Variants in TAFA2 observed in about 807,000 individuals in gnomAD.
TAFA2 encodes the protein TAFA chemokine like family member 2.
TAFA2 carries 7 observed loss-of-function variants against 18.8 expected under a neutral mutation model. The observed-to-expected ratio is 0.37, with a 90% confidence interval of 0.21 to 0.70. The LOEUF (loss-of-function observed/expected upper bound fraction) is 0.70. TAFA2 is among the 30% of genes least tolerant of loss of function. TAFA2 has a pLI of 0.53. For missense variants in TAFA2, 122 were observed against 158.1 expected, an observed-to-expected ratio of 0.77 and a Z score of 1.23; for synonymous variants, 60 against 54.2, an observed-to-expected ratio of 1.11 and a Z score of -0.47.
At chr12:61,918,166 C>G (rs1555175722) in intron 1 of TAFA2, among the ~76,000 whole-genome samples, 1 of 152,084 alleles carries the variant, frequency 6.6e-6, no homozygotes, top group Non-Finnish European at 1.5e-5. Flanking sequence ...TTCAAACAAT[C>G]AAATCATACT....
intron 4 of TAFA2, among the ~76,000 whole-genome samples, chr12:61,737,472 A>T (rs190117611): frequency 4.0e-4 from 61 of 152,006 alleles, no homozygotes; most frequent in Non-Finnish European, 8.2e-4. Context: ...TTTTCAGAGA[A>T]TCAGATGGGT....
chr12:62,126,077 A>G (rs774923247), intron 1 of TAFA2, among the ~76,000 whole-genome samples: 4 of 152,114 alleles, frequency 2.6e-5, no homozygotes, highest in Non-Finnish European at 4.4e-5. Flanking sequence ...AGTGTGGTTT[A>G]ATGGATTATT....
intron 1 of TAFA2, among the ~76,000 whole-genome samples, chr12:61,951,718 A>T (rs755742573): frequency 6.6e-6 from 1 of 152,106 alleles, no homozygotes; most frequent in African/African-American, 2.4e-5. Context: ...TAAGGCATAC[A>T]CTACAAATTT....
At chr12:62,156,552 C>A (rs572926134) in intron 1 of TAFA2, among the ~76,000 whole-genome samples, 4 of 152,000 alleles carry the variant, frequency 2.6e-5, no homozygotes, top group African/African-American at 9.6e-5. Context: ...ACCCAAATGC[C>A]CATTAATCAA....
chr12:61,945,028 T>C (rs1042139523), intron 1 of TAFA2, among the ~76,000 whole-genome samples: 3 of 150,720 alleles, frequency 2.0e-5, no homozygotes, highest in African/African-American at 7.4e-5. Flanking sequence ...ACCAATATCC[T>C]TGATGAACAC....
At chr12:61,827,720 T>C (rs1234875119) in intron 2 of TAFA2, among the ~76,000 whole-genome samples, 1 of 151,964 alleles carries the variant, frequency 6.6e-6, no homozygotes, top group Non-Finnish European at 1.5e-5. Context: ...AGTCCTAAAA[T>C]AGAGGGAAAT....
intron 1 of TAFA2, among the ~76,000 whole-genome samples, chr12:62,048,816 AG>A (rs1406340154): frequency 1.3e-5 from 2 of 152,228 alleles, no homozygotes; most frequent in Non-Finnish European, 2.9e-5. Context: ...GTTACTGCAT[AG>A]CAAATGACAG....
At chr12:61,765,150 A>C (rs1404294132) in intron 2 of TAFA2, among the ~76,000 whole-genome samples, 1 of 152,046 alleles carries the variant, frequency 6.6e-6, no homozygotes, top group Admixed American at 6.6e-5. Flanking sequence ...GGGCAGAAGT[A>C]AGTTATGCTT....
chr12:62,003,205 G>T (rs1270626808), intron 1 of TAFA2, among the ~76,000 whole-genome samples: 1 of 152,054 alleles, frequency 6.6e-6, no homozygotes, highest in Non-Finnish European at 1.5e-5. Context: ...ATGTAAATAT[G>T]GACCTGTCAT....
chr12:61,985,603 C>T (rs576065197), intron 1 of TAFA2, among the ~76,000 whole-genome samples: 4 of 152,124 alleles, frequency 2.6e-5, no homozygotes, highest in Non-Finnish European at 5.9e-5. Flanking sequence ...AATGAAAGCA[C>T]AAAAATTCAT....
intron 1 of TAFA2, among the ~76,000 whole-genome samples, chr12:62,124,021 A>T (rs1373089340): frequency 1.3e-5 from 2 of 152,146 alleles, no homozygotes; most frequent in African/African-American, 2.4e-5. Context: ...TGGAAACAGA[A>T]AAGATTTAGA....
intron 1 of TAFA2, among the ~76,000 whole-genome samples, chr12:62,156,175 C>A (rs1007652792): frequency 3.3e-5 from 5 of 152,072 alleles, no homozygotes; most frequent in Admixed American, 1.3e-4. Flanking sequence ...ATACAAATGG[C>A]CAACAAACAT....
chr12:62,033,869 T>C (rs1325703215), intron 1 of TAFA2, among the ~76,000 whole-genome samples: 1 of 152,194 alleles, frequency 6.6e-6, no homozygotes, highest in Non-Finnish European at 1.5e-5. Flanking sequence ...CTTTCAACTT[T>C]GTTTCACTAT....
At chr12:62,133,957 T>G (rs1436246714) in intron 1 of TAFA2, among the ~76,000 whole-genome samples, 1 of 152,004 alleles carries the variant, frequency 6.6e-6, no homozygotes, top group African/African-American at 2.4e-5. Context: ...CTCTCTAACT[T>G]CATCTCACGA....
chr12:62,049,902 T>C (rs1001658246), intron 1 of TAFA2, among the ~76,000 whole-genome samples: 3 of 152,208 alleles, frequency 2.0e-5, no homozygotes, highest in Admixed American at 2.0e-4. Context: ...CAGGAAAGTG[T>C]TGCTACCAAT....
chr12:61,711,036 G>A (rs1393917558), intron 4 of TAFA2, among the ~76,000 whole-genome samples: 1 of 151,988 alleles, frequency 6.6e-6, no homozygotes, highest in African/African-American at 2.4e-5. Context: ...TGTTAAAGGT[G>A]CCCCAAAATT....
chr12:62,094,017 G>C (rs1868836291), intron 1 of TAFA2, among the ~76,000 whole-genome samples: 1 of 151,948 alleles, frequency 6.6e-6, no homozygotes, highest in Non-Finnish European at 1.5e-5. Flanking sequence ...GGTGGCTACT[G>C]TGAAGGGTAC....
chr12:62,150,503 C>G (rs2062320654), intron 1 of TAFA2, among the ~76,000 whole-genome samples: 1 of 152,176 alleles, frequency 6.6e-6, no homozygotes, highest in Non-Finnish European at 1.5e-5. Context: ...ACACAATCAT[C>G]TGATTAATAT....
At chr12:62,090,388 T>A (rs1868658340) in intron 1 of TAFA2, among the ~76,000 whole-genome samples, 1 of 152,102 alleles carries the variant, frequency 6.6e-6, no homozygotes, top group African/African-American at 2.4e-5. Flanking sequence ...ATATCAAAAT[T>A]ATACTGTAAA....
Sources: allele counts gnomAD v4.1 joint callset (sites outside exome capture counted in the v4.1 genomes callset), GRCh38; gene constraint gnomAD v4.1.1; transcripts MANE v1.5; gene names NCBI Gene and HGNC (gene_info 2026-07-23, HGNC 2026-07-21).